Variants in BCL11B observed in about 807,000 individuals in gnomAD.
The protein encoded by BCL11B is B-cell lymphoma/leukemia 11B.
Under a neutral mutation model 49.9 loss-of-function variants are expected in BCL11B, and 8 were observed. That is an observed-to-expected ratio of 0.16 (90% CI 0.09 to 0.29). The LOEUF is 0.29. Ranked by LOEUF, BCL11B falls within the 10% of genes least tolerant of loss-of-function variation. The pLI is 1.00. For missense variants in BCL11B, 1,006 were observed against 1,351.0 expected (o/e 0.74, Z 4.00); for synonymous variants, 739 against 637.4 (o/e 1.16, Z -2.40).
intron 2 of BCL11B, among the ~76,000 whole-genome samples, chr14:99,239,465 G>C (rs908203480): frequency 2.6e-5 from 4 of 152,176 alleles, no homozygotes; most frequent in Non-Finnish European, 5.9e-5. Flanking sequence ...TTAGGGGCCA[G>C]ACTCCAATGA....
intron 2 of BCL11B, among the ~76,000 whole-genome samples, chr14:99,256,706 G>A (rs1018522535): frequency 3.9e-5 from 6 of 152,188 alleles, no homozygotes; most frequent in Non-Finnish European, 5.9e-5. Context: ...GCAGACCCAC[G>A]CCTGGGGACA....
intron 3 of BCL11B, among the ~76,000 whole-genome samples, chr14:99,186,664 G>A (rs1215365858): frequency 2.6e-5 from 4 of 152,202 alleles, no homozygotes; most frequent in African/African-American, 4.8e-5. Context: ...CAGAAAACAC[G>A]CAAGAAACTT....
chr14:99,229,279 C>A (rs1401781711), intron 3 of BCL11B, among the ~76,000 whole-genome samples: 2 of 152,150 alleles, frequency 1.3e-5, no homozygotes, highest in Non-Finnish European at 1.5e-5. Context: ...GCACACATGC[C>A]CAGCACAATG....
chr14:99,253,248 G>A (rs551279916), intron 2 of BCL11B, among the ~76,000 whole-genome samples: 2 of 152,324 alleles, frequency 1.3e-5, no homozygotes, highest in South Asian at 4.1e-4. Flanking sequence ...GCTCCTCAGA[G>A]TGCACCGCCA....
At chr14:99,243,292 C>A (rs1307279699) in intron 2 of BCL11B, among the ~76,000 whole-genome samples, 1 of 152,060 alleles carries the variant, frequency 6.6e-6, no homozygotes, top group Non-Finnish European at 1.5e-5. Context: ...CAAGTGCCCC[C>A]CTCCCCACAT....
intron 3 of BCL11B, among the ~76,000 whole-genome samples, chr14:99,188,844 C>G (rs1886939568): frequency 6.6e-6 from 1 of 152,224 alleles, no homozygotes; most frequent in African/African-American, 2.4e-5. Context: ...CCCGCCTGGC[C>G]GAGTCTGCTG....
At chr14:99,197,652 G>A (rs1041000715) in intron 3 of BCL11B, among the ~76,000 whole-genome samples, 5 of 152,080 alleles carry the variant, frequency 3.3e-5, no homozygotes, top group African/African-American at 7.2e-5. Context: ...TACACACCCC[G>A]CACGCACTCT....
chr14:99,174,753 C>G lies in BCL11B; in HGVS notation c.2083G>C (p.Glu695Gln). The change falls in exon 4 of 4, where the codon GAG becomes CAG. Residue 695 changes from glutamate (E) to glutamine (Q), a missense_variant. Coordinates refer to ENST00000357195, the MANE Select transcript of BCL11B (RefSeq NM_138576.4). ...AKRIKVEKDL[E>Q]LPPAALIPSE... ...GGGATGAGCGCGGCGGGCGGCAGCT[C>G]CAGGTCCTTCTCCACCTTGATGCGC... 1 of 1,510,624 alleles carries G rather than the reference C, an allele frequency of 6.6e-7. No homozygotes were observed. The highest frequency in any genetic ancestry group is 1.3e-5 in the South Asian group (1 of 78,948). 93.6% of individuals were successfully genotyped at this position (1,510,624 alleles called of 1,614,324 possible).
chr14:99,239,124 C>G (rs1783887567), intron 2 of BCL11B, among the ~76,000 whole-genome samples: 1 of 152,188 alleles, frequency 6.6e-6, no homozygotes, highest in Non-Finnish European at 1.5e-5. Context: ...CCAAATCTCA[C>G]CAGCAAAATC....
chr14:99,225,203 G>A (rs1378961781), intron 3 of BCL11B, among the ~76,000 whole-genome samples: 2 of 152,230 alleles, frequency 1.3e-5, no homozygotes, highest in African/African-American at 4.8e-5. Context: ...GGCCTAGTGG[G>A]CAGACCCAGG....
intron 3 of BCL11B, among the ~76,000 whole-genome samples, chr14:99,216,973 TACAC>T (rs958938879): frequency 6.6e-6 from 1 of 152,014 alleles, no homozygotes; most frequent in East Asian, 1.9e-4. Flanking sequence ...CGTGTGTGCA[TACAC>T]ACAAATACGC....
intron 2 of BCL11B, among the ~76,000 whole-genome samples, chr14:99,235,134 G>T (rs1192747608): frequency 6.6e-6 from 1 of 152,204 alleles, no homozygotes; most frequent in East Asian, 1.9e-4. Flanking sequence ...GTTTCAGGGG[G>T]AATTCGAGCC....
rs1886297129 is a variant in BCL11B, at chr14:99,171,745, A to C, written c.*2406T>G. 9.5e-6 allele frequency: 2 copies of C among 210,536 alleles called. No individual in the cohort carries two copies. Among genetic ancestry groups the C allele is most frequent in the Non-Finnish European group, 1.9e-5 (2 of 103,542 alleles). 13.0% of individuals were successfully genotyped at this position (210,536 alleles called of 1,614,324 possible). ...ATTTTTTTTGAAATAAAAATTCAAC[A>C]CCCAAGGCAGAAAAAAATTTACTAA... On this transcript the variant is annotated 3_prime_UTR_variant, in exon 4 of 4. Transcript: ENST00000357195.
chr14:99,257,921 C>T lies in BCL11B; in HGVS notation c.59-82G>A, dbSNP rs779727155. On this transcript the variant is annotated intron_variant, in intron 1 of 3. Coordinates refer to ENST00000357195, the MANE Select transcript of BCL11B (RefSeq NM_138576.4). The surrounding 1 kb of genome is among the most constrained non-coding windows in gnomAD (Gnocchi z 6.2). The stretch of plus-strand genomic sequence containing the variant: ...GTCACAGCACCCAACTTCCGGTCCA[C>T]CCCTTCCCCGCCAAGAAGCAGCCCC... 2.6e-5 allele frequency: 36 copies of T among 1,402,240 alleles called. No homozygotes were observed. The highest frequency in any genetic ancestry group is 3.2e-5 in the Non-Finnish European group (34 of 1,070,704). The allele number at this position is 1,402,240 out of a possible 1,614,324, so 86.9% of individuals were successfully genotyped here.
intron 3 of BCL11B, among the ~76,000 whole-genome samples, chr14:99,219,909 A>G (rs1202694336): frequency 6.6e-6 from 1 of 151,970 alleles, no homozygotes; most frequent in Non-Finnish European, 1.5e-5. Flanking sequence ...ACTAAAATAT[A>G]CTGAAGGTGG....
chr14:99,231,678 C>G lies in BCL11B; in HGVS notation c.428-121G>C, dbSNP rs1023705335. 13 of 1,040,138 alleles carry G rather than the reference C, an allele frequency of 1.2e-5. No individual in the cohort carries two copies. In the Admixed American group the frequency reaches 2.5e-4, roughly 20 times the overall value. 64.4% of individuals were successfully genotyped at this position (1,040,138 alleles called of 1,614,324 possible). On this transcript the variant is annotated intron_variant, in intron 2 of 3. Coordinates refer to ENST00000357195, the MANE Select transcript of BCL11B (RefSeq NM_138576.4). The surrounding 1 kb of genome is among the most constrained non-coding windows in gnomAD (Gnocchi z 8.1). ...AGGCCACCCTTCGGGGGTGGGAGGCCCCCGGGGTGCCAGGCCCTGCAGGGA... is the reference window on the plus strand; with the variant it reads ...AGGCCACCCTTCGGGGGTGGGAGGCGCCCGGGGTGCCAGGCCCTGCAGGGA...
intron 2 of BCL11B, among the ~76,000 whole-genome samples, chr14:99,252,336 G>A (rs1163719511): frequency 6.6e-6 from 1 of 152,186 alleles, no homozygotes; most frequent in Non-Finnish European, 1.5e-5. Flanking sequence ...TGCGAGTGGG[G>A]TTTATCTCCA....
At chr14:99,189,205 GCGCTTTGCCTCTGCCAC>G (rs1178673600) in intron 3 of BCL11B, among the ~76,000 whole-genome samples, 1 of 152,200 alleles carries the variant, frequency 6.6e-6, no homozygotes, top group Non-Finnish European at 1.5e-5. Context: ...CACTTCTGCG[GCGCTTTGCCTCTGCCAC>G]CGTGCCAAGC....
intron 3 of BCL11B, among the ~76,000 whole-genome samples, chr14:99,206,123 CAAG>C (rs756073764): frequency 3.4e-4 from 52 of 152,314 alleles, no homozygotes; most frequent in Non-Finnish European, 5.4e-4. Context: ...GGACACAGAA[CAAG>C]AAGATCTCAG....
Sources: gnomAD v4.1 joint callset for allele counts (sites outside exome capture counted in the v4.1 genomes callset) on GRCh38, gnomAD v4.1.1 for gene constraint, Gnocchi (gnomAD v3.1) non-coding constraint, MANE v1.5 for transcripts, NCBI Gene and HGNC (gene_info 2026-07-23, HGNC 2026-07-21) for gene names.